The following SPTBN1 variants were observed in gnomAD, a reference collection of about 807,000 sequenced individuals.
SPTBN1 encodes the protein spectrin beta, non-erythrocytic 1.
A neutral mutation model predicts 266.4 loss-of-function variants in SPTBN1; 32 were observed. The observed-to-expected ratio is 0.12, with a 90% CI of 0.09 to 0.16. The LOEUF is 0.16. SPTBN1 is among the 10% of genes least tolerant of loss of function. SPTBN1 has a pLI of 1.00. For missense variants in SPTBN1, 2,296 were observed against 3,067.1 expected, an observed-to-expected ratio of 0.75 and a Z score of 5.94; for synonymous variants, 1,336 against 1,162.2, an observed-to-expected ratio of 1.15 and a Z score of -3.04.
In SPTBN1 at chr2:54,645,297, G is replaced by A; in HGVS notation, c.4338G>A (p.Leu1446=). The change falls in exon 21 of 36, where the codon CTG becomes CTA. Residue 1446 remains leucine (L), a synonymous_variant. Transcript: ENST00000356805. This position sits in a 1 kb window ranked among gnomAD's most constrained non-coding sequence, Gnocchi z 4.3. ...AGCTCCAAAGCCAAGCCCAGGCCCT[G>A]AGTCAGGAAGGGAAGAGCACCGACG... is the stretch of plus-strand genomic sequence containing the variant. ...IEELQSQAQA[L]SQEGKSTDEV... is the part of the protein sequence containing the mutation. 1 of 1,614,240 alleles carries A rather than the reference G, an allele frequency of 6.2e-7. No individual in the cohort carries two copies. Among genetic ancestry groups the A allele is most frequent in the South Asian group, 1.1e-5 (1 of 91,086 alleles).
intron 18 of SPTBN1, among the ~76,000 whole-genome samples, chr2:54,641,083 A>G (rs898735766): frequency 6.6e-6 from 1 of 152,230 alleles, no homozygotes; most frequent in Non-Finnish European, 1.5e-5. Context: ...CAGTCTGCAC[A>G]GTGTTCTTTT....
intron 32 of SPTBN1, 196 bp downstream of exon 32, chr2:54,660,195 C>A: frequency 6.8e-7 from 1 of 1,462,528 alleles, no homozygotes; most frequent in Non-Finnish European, 9.1e-7. Flanking sequence ...TCATAGCCTT[C>A]CTTGGTTTCA....
chr2:54,457,857 T>C (rs923927497), intron 1 of SPTBN1, among the ~76,000 whole-genome samples: 4 of 152,222 alleles, frequency 2.6e-5, no homozygotes, highest in African/African-American at 7.2e-5. Context: ...GCACCTCTTC[T>C]TGGGCTGCGC....
In SPTBN1 at chr2:54,667,622, G is replaced by A; in HGVS notation, c.6852G>A (p.Glu2284=). 1 of 1,613,934 alleles carries A rather than the reference G, an allele frequency of 6.2e-7. No homozygotes were observed. The highest frequency in any genetic ancestry group is 8.5e-7 in the Non-Finnish European group (1 of 1,179,856). The part of the protein sequence containing the change: ...VFKLRLNDGN[E]YLFQAKDDEE... Reference sequence around the variant, plus strand: ...ATTACAGACTAAATGATGGCAATGAGTACCTCTTCCAAGCCAAAGACGATG... The same window carrying A: ...ATTACAGACTAAATGATGGCAATGAATACCTCTTCCAAGCCAAAGACGATG... The change falls in exon 35 of 36, where the codon GAG becomes GAA. Residue 2284 remains glutamate, a synonymous_variant. Coordinates refer to ENST00000356805, the MANE Select transcript of SPTBN1 (RefSeq NM_003128.3).
chr2:54,655,218 T>C lies in SPTBN1; in HGVS notation c.5961+10T>C, dbSNP rs1235782986. The C allele has an allele frequency of 6.2e-7, 1 of 1,610,244 alleles. No individual in the cohort carries two copies. Among genetic ancestry groups the C allele is most frequent in the Non-Finnish European group, 8.5e-7 (1 of 1,178,526 alleles). ...CTATGCATCTGAGGAGGTAGGTTGC[T>C]ACTTTGCTTTGGAGCTGCAGCTGGC... On this transcript the variant is annotated intron_variant, in intron 28 of 35. Coordinates refer to ENST00000356805, the MANE Select transcript of SPTBN1 (RefSeq NM_003128.3).
intron 1 of SPTBN1, among the ~76,000 whole-genome samples, chr2:54,502,114 C>T (rs1452218541): frequency 6.6e-6 from 1 of 152,194 alleles, no homozygotes; most frequent in Non-Finnish European, 1.5e-5. Flanking sequence ...ATAATTCACT[C>T]ATTCCTTTCC....
Position 54,664,249 on chromosome 2 carries a change from C to G in SPTBN1, c.6421-204C>G. 1.7e-6 allele frequency: 1 copy of G among 573,484 alleles called. No homozygotes were observed. The allele number at this position is 573,484 out of a possible 1,614,324, so 35.5% of individuals were successfully genotyped here. On this transcript the variant is annotated intron_variant, in intron 32 of 35. Transcript: ENST00000356805. The surrounding 1 kb of genome is among the most constrained non-coding windows in gnomAD (Gnocchi z 5.6). ...CTGGCATTTCGCTTTTCTCATTTCC[C>G]TGTAAATGGGCGGGTATTAATCCAT...
intron 1 of SPTBN1, among the ~76,000 whole-genome samples, chr2:54,470,711 T>C (rs953979885): frequency 1.3e-5 from 2 of 152,220 alleles, no homozygotes; most frequent in African/African-American, 4.8e-5. Flanking sequence ...GGGTGGCATG[T>C]GCCTGTAATC....
rs369223422 is a variant in SPTBN1 at position 54,629,615 on chromosome 2, C to G, written c.2481C>G (p.Ile827Met). ...ACGTGAGGGGCAGGCTGTCGGGCAT[C>G]GAGGAGCGGTATAAGGAGGTGGCAG... is the stretch of plus-strand genomic sequence containing the variant. ...SPDVRGRLSG[I>M]EERYKEVAEL... The change falls in exon 14 of 36, where the codon ATC becomes ATG. Residue 827 changes from isoleucine (I) to methionine (M), a missense_variant. Coordinates refer to ENST00000356805, the MANE Select transcript of SPTBN1 (RefSeq NM_003128.3). 3.1e-6 allele frequency: 5 copies of G among 1,613,800 alleles called. No individual in the cohort carries two copies. In the African/African-American group the frequency reaches 4.0e-5, roughly 13 times the overall value.
intron 2 of SPTBN1, among the ~76,000 whole-genome samples, chr2:54,589,700 G>T (rs1675541582): frequency 6.6e-6 from 1 of 152,226 alleles, no homozygotes; most frequent in South Asian, 2.1e-4. Flanking sequence ...GAGGACTTCA[G>T]TCAAAAGATT....
At chr2:54,622,192 CTG>C in intron 8 of SPTBN1, 106 bp from the exon 9 acceptor site, 4 of 1,229,498 alleles carry the variant, frequency 3.3e-6, no homozygotes, top group Non-Finnish European at 4.6e-6. Context: ...GCTGGCCAAA[CTG>C]TTTCAAAGCC....
At chr2:54,505,289 G>A (rs1455066367) in intron 1 of SPTBN1, among the ~76,000 whole-genome samples, 5 of 152,162 alleles carry the variant, frequency 3.3e-5, no homozygotes, top group Admixed American at 2.0e-4. Context: ...TTCCCACACA[G>A]TACTCAGTTC....
intron 2 of SPTBN1, among the ~76,000 whole-genome samples, chr2:54,574,130 G>A (rs1674291136): frequency 6.6e-6 from 1 of 152,032 alleles, no homozygotes; most frequent in African/African-American, 2.4e-5. Context: ...AGTAACAATA[G>A]CCAACATTTA....
chr2:54,571,108 G>A (rs1009758616), intron 2 of SPTBN1, among the ~76,000 whole-genome samples: 1 of 152,140 alleles, frequency 6.6e-6, no homozygotes, highest in African/African-American at 2.4e-5. Flanking sequence ...GCTGTGGGAA[G>A]TCTGCGGTGA....
intron 26 of SPTBN1, 108 bp downstream of exon 26, chr2:54,650,097 C>A (rs180833047): frequency 2.9e-6 from 4 of 1,397,354 alleles, no homozygotes; most frequent in East Asian, 2.3e-5. Context: ...AAGAATTGCC[C>A]CAATTAAGCA....
intron 3 of SPTBN1, 122 bp downstream of exon 3, chr2:54,599,365 G>A: frequency 8.1e-7 from 1 of 1,227,000 alleles, no homozygotes; most frequent in Non-Finnish European, 1.2e-6. Flanking sequence ...GGAGAATCTT[G>A]AGAAGTGAGT....
intron 1 of SPTBN1, among the ~76,000 whole-genome samples, chr2:54,481,597 G>T (rs375248066): frequency 2.6e-5 from 4 of 152,192 alleles, no homozygotes; most frequent in African/African-American, 9.7e-5. Context: ...CTGGACAAGA[G>T]TGAGCCAGAG....
intron 2 of SPTBN1, among the ~76,000 whole-genome samples, chr2:54,593,227 A>C (rs1675805564): frequency 6.6e-6 from 1 of 151,324 alleles, no homozygotes; most frequent in South Asian, 2.1e-4. Flanking sequence ...GGGTCTTCAC[A>C]CTCAGAACCA....
chr2:54,558,248 A>AGGCTC lies in SPTBN1; in HGVS notation c.148+31683_148+31687dup. ...ACCGGTAGGGGGTCGCGGGCCGGCT[A>AGGCTC]GGCTCCCCCGCGCCCCTCCTCGTGG... On this transcript the variant is annotated intron_variant, in intron 2 of 35. Transcript: ENST00000356805. The surrounding 1 kb of genome is among the most constrained non-coding windows in gnomAD (Gnocchi z 4.6). The AGGCTC allele has an allele frequency of 2.0e-6, 2 of 985,188 alleles. No individual in the cohort carries two copies. The highest frequency in any genetic ancestry group is 9.4e-5 in the South Asian group (2 of 21,278). 61.0% of individuals were successfully genotyped at this position (985,188 alleles called of 1,614,324 possible).
Sources: gnomAD v4.1 joint callset for allele counts (sites outside exome capture counted in the v4.1 genomes callset) on GRCh38, gnomAD v4.1.1 for gene constraint, Gnocchi (gnomAD v3.1) non-coding constraint, MANE v1.5 for transcripts, NCBI Gene and HGNC (gene_info 2026-07-23, HGNC 2026-07-21) for gene names.